The following MAST4 variants were observed in gnomAD, a reference collection of about 807,000 sequenced individuals.
MAST4 encodes the protein microtubule associated serine/threonine kinase family member 4.
A neutral mutation model predicts 162.7 loss-of-function variants in MAST4; 89 were observed. The observed-to-expected ratio is 0.55, with a 90% CI of 0.46 to 0.65. MAST4 has a LOEUF of 0.65. Ranked by LOEUF, MAST4 falls within the 30% of genes least tolerant of loss-of-function variation. MAST4 has a pLI of 0.00. For missense variants in MAST4, 3,153 were observed against 3,374.0 expected, an observed-to-expected ratio of 0.93 and a Z score of 1.62; for synonymous variants, 1,479 against 1,361.1, an observed-to-expected ratio of 1.09 and a Z score of -1.91.
intron 4 of MAST4, among the ~76,000 whole-genome samples, chr5:66,940,960 A>G (rs1023798462): frequency 1.4e-4 from 22 of 152,174 alleles, no homozygotes; most frequent in African/African-American, 4.6e-4. Context: ...TACATCTTCA[A>G]TAGAGCTCTT....
At chr5:66,643,082 C>T (rs938954443) in intron 1 of MAST4, among the ~76,000 whole-genome samples, 1 of 152,102 alleles carries the variant, frequency 6.6e-6, no homozygotes. Flanking sequence ...GGCTGACACG[C>T]TCAGATCTGT....
At chr5:66,833,099 A>G (rs750466296) in intron 3 of MAST4, among the ~76,000 whole-genome samples, 2 of 152,324 alleles carry the variant, frequency 1.3e-5, no homozygotes, top group African/African-American at 2.4e-5. Context: ...ATTCTATTTT[A>G]TACTCTAAGA....
At chr5:67,147,824 A>T (rs1771288888) in intron 23 of MAST4, among the ~76,000 whole-genome samples, 1 of 152,236 alleles carries the variant, frequency 6.6e-6, no homozygotes, top group Non-Finnish European at 1.5e-5. Flanking sequence ...AGCATATAGG[A>T]GTAAAAACAT....
chr5:66,793,147 A>C (rs540045318), intron 3 of MAST4, among the ~76,000 whole-genome samples: 2 of 152,354 alleles, frequency 1.3e-5, no homozygotes, highest in South Asian at 4.1e-4. Context: ...GGAGGAGATT[A>C]ATTCCTAGCC....
intron 1 of MAST4, among the ~76,000 whole-genome samples, chr5:66,720,665 A>T (rs147264364): frequency 6.6e-6 from 1 of 152,102 alleles, no homozygotes; most frequent in Non-Finnish European, 1.5e-5. Context: ...CAGCTGTTCC[A>T]CTGTTTATAT....
chr5:66,963,204 C>T (rs1314077958), intron 4 of MAST4, among the ~76,000 whole-genome samples: 1 of 152,148 alleles, frequency 6.6e-6, no homozygotes, highest in African/African-American at 2.4e-5. Flanking sequence ...CACTTTTTAT[C>T]ATTGCCCCTG....
At chr5:66,917,596 T>TTC (rs1406798457) in intron 4 of MAST4, among the ~76,000 whole-genome samples, 52 of 127,476 alleles carry the variant, frequency 4.1e-4, no homozygotes, top group African/African-American at 1.3e-3. Context: ...TTCTCTTTCT[T>TTC]TTTTTTTTTT....
intron 1 of MAST4, among the ~76,000 whole-genome samples, chr5:66,644,184 A>G (rs186839930): frequency 2.6e-5 from 4 of 152,004 alleles, no homozygotes; most frequent in Non-Finnish European, 5.9e-5. Context: ...AGATGTATGT[A>G]TGAACAATAT....
intron 3 of MAST4, among the ~76,000 whole-genome samples, chr5:66,819,126 G>T (rs1388175811): frequency 1.3e-5 from 2 of 152,172 alleles, no homozygotes; most frequent in Admixed American, 1.3e-4. Context: ...GCAGGTGGCA[G>T]CCTCATTTCT....
chr5:66,743,481 C>T (rs1752583143), intron 1 of MAST4, among the ~76,000 whole-genome samples: 1 of 152,212 alleles, frequency 6.6e-6, no homozygotes, highest in Non-Finnish European at 1.5e-5. Flanking sequence ...GTGCCTCCCA[C>T]AGAGGTGGGG....
intron 3 of MAST4, among the ~76,000 whole-genome samples, chr5:66,879,596 T>C (rs27989): frequency 0.28 from 42,551 of 152,134 alleles, 6,184 homozygotes; most frequent in East Asian, 0.53. Flanking sequence ...ACTGTAGCCT[T>C]GACCTCCCCA....
intron 3 of MAST4, among the ~76,000 whole-genome samples, chr5:66,801,749 CAA>C (rs1244601464): frequency 1.3e-5 from 2 of 152,172 alleles, no homozygotes; most frequent in Non-Finnish European, 2.9e-5. Context: ...TAAATTGACA[CAA>C]GTGTTGACAG....
chr5:66,820,486 A>G (rs778267255), intron 3 of MAST4, among the ~76,000 whole-genome samples: 46 of 152,244 alleles, frequency 3.0e-4, no homozygotes, highest in Admixed American at 2.0e-3. Flanking sequence ...ATATTAGTTC[A>G]TGGTCCCAGC....
chr5:66,662,621 A>G (rs1287947526), intron 1 of MAST4: 2 of 152,180 alleles, frequency 1.3e-5, no homozygotes. Context: ...TTTAAAAGCT[A>G]TAGTTTAGTA....
chr5:66,815,241 A>G (rs973093042), intron 3 of MAST4, among the ~76,000 whole-genome samples: 2 of 152,228 alleles, frequency 1.3e-5, no homozygotes, highest in African/African-American at 2.4e-5. Flanking sequence ...AGGAAGCGAC[A>G]TTTCTATTTC....
intron 3 of MAST4, among the ~76,000 whole-genome samples, chr5:66,855,665 C>T (rs1420662445): frequency 1.3e-5 from 2 of 152,134 alleles, no homozygotes; most frequent in African/African-American, 4.8e-5. Context: ...CCTCCTGAGA[C>T]ACACTGAAAG....
rs536570951 is a variant in MAST4, at chr5:66,974,816, T to A, written c.674+74834T>A. ...AAGCTTTCATGGGATTTGCAAAGTA[T>A]AAGAGTTGTTTCTTATTTTCAGAGA... On this transcript the variant is annotated intron_variant, in intron 4 of 28. Transcript: ENST00000403625. 6.6e-5 allele frequency among the ~76,000 whole-genome samples: 10 copies of A among 152,324 alleles called. No individual in the cohort carries two copies. The South Asian group carries it at 2.1e-3, about 32-fold the overall frequency.
chr5:66,865,849 C>T (rs937633603), intron 3 of MAST4, among the ~76,000 whole-genome samples: 22 of 151,926 alleles, frequency 1.4e-4, no homozygotes, highest in African/African-American at 2.9e-4. Flanking sequence ...CTGAGGTGGG[C>T]GGATCAGTTG....
intron 3 of MAST4, among the ~76,000 whole-genome samples, chr5:66,799,932 G>A (rs1755834227): frequency 6.6e-6 from 1 of 152,124 alleles, no homozygotes; most frequent in South Asian, 2.1e-4. Flanking sequence ...TGTTGCTGGA[G>A]TCAAGTGAGG....
Sources: gnomAD v4.1 joint callset for allele counts (sites outside exome capture counted in the v4.1 genomes callset) on GRCh38, gnomAD v4.1.1 for gene constraint, MANE v1.5 for transcripts, NCBI Gene and HGNC (gene_info 2026-07-23, HGNC 2026-07-21) for gene names.